Variants in USF3 observed in about 807,000 individuals in gnomAD.
The protein encoded by USF3 is basic helix-loop-helix domain-containing protein USF3.
USF3 carries 29 observed loss-of-function variants against 157.5 expected under a neutral mutation model. The observed-to-expected ratio is 0.18, with a 90% CI of 0.14 to 0.25. USF3 has a LOEUF of 0.25. USF3 is among the 10% of genes least tolerant of loss of function. The pLI is 1.00. For missense variants in USF3, 2,381 were observed against 2,667.6 expected (o/e 0.89, Z 2.37); for synonymous variants, 893 against 941.4 (o/e 0.95, Z 0.94).
intron 1 of USF3, among the ~76,000 whole-genome samples, chr3:113,691,377 CCTGA>C (rs1707679213): frequency 6.6e-6 from 1 of 152,176 alleles, no homozygotes; most frequent in Non-Finnish European, 1.5e-5. Context: ...CCAGCTGTTA[CCTGA>C]CTTTTATTCC....
At position 113,653,152 on chromosome 3, in the gene USF3, A is replaced by C; in HGVS notation, c.*1792T>G. ...AATTTCTATGCATCTCTCCCACCCC[A>C]TCCCATTTTTGGCAGAATATAACAA... On this transcript the variant is annotated 3_prime_UTR_variant, in exon 7 of 7. Transcript: ENST00000316407. 1 of 173,216 alleles carries C rather than the reference A, an allele frequency of 5.8e-6. No homozygotes were observed. The highest frequency in any genetic ancestry group is 1.4e-4 in the East Asian group (1 of 7,024). 10.7% of individuals were successfully genotyped at this position (173,216 alleles called of 1,614,324 possible). A position where few individuals can be genotyped will look rare whatever the true frequency, so the allele number is the denominator to read the frequency against.
chr3:113,657,714 C>T lies in USF3; in HGVS notation c.3968G>A (p.Ser1323Asn). ...QEPLLKPSHE[S>N]RKDSAKRAVQ... ...AGCACGCTTAGCAGAATCCTTACGGCTTTCATGGCTTGGCTTTAAGAGTGG... is the reference window on the plus strand; with the variant it reads ...AGCACGCTTAGCAGAATCCTTACGGTTTTCATGGCTTGGCTTTAAGAGTGG... Residue 1323 changes from serine to asparagine, a missense_variant, in exon 7 of 7, where the codon AGC becomes AAC. Physicochemically the swap from Ser to Asn is conservative, Grantham distance 46. This residue lies in a region of USF3 where 1,435 missense variants were observed against 1,550.9 expected (regional missense o/e 0.93). Transcript: ENST00000316407. 1 of 1,614,152 alleles carries T rather than the reference C, an allele frequency of 6.2e-7. No individual in the cohort carries two copies. The highest frequency in any genetic ancestry group is 8.5e-7 in the Non-Finnish European group (1 of 1,180,032).
At position 113,657,920 on chromosome 3, in the gene USF3, C is replaced by T. The variant is rs764697372; in HGVS notation, c.3762G>A (p.Leu1254=). 1 of 1,614,122 alleles carries T rather than the reference C, an allele frequency of 6.2e-7. No homozygotes were observed. The highest frequency in any genetic ancestry group is 8.5e-7 in the Non-Finnish European group (1 of 1,180,018). ...TTGGGGATAAACCCGCACAGCTGGC[C>T]AGAGGATGGCTGATGCTGCTCTGAT... ...LIHQSSISHP[L]ASCAGLSPTS... The change falls in exon 7 of 7, where the codon CTG becomes CTA. Residue 1254 remains leucine, a synonymous_variant. Coordinates refer to ENST00000316407, the MANE Select transcript of USF3 (RefSeq NM_001009899.4).
chr3:113,673,294 G>C, intron 4 of USF3, 54 bp downstream of exon 4: 7 of 1,180,328 alleles, frequency 5.9e-6, no homozygotes, highest in Non-Finnish European at 7.6e-6. Flanking sequence ...ACTGCAGTAT[G>C]ATTTCATTTT....
Position 113,658,892 on chromosome 3 carries a change from T to C in USF3, c.2790A>G (p.Ala930=). 6.2e-7 allele frequency: 1 copy of C among 1,614,214 alleles called. No homozygotes were observed. Among genetic ancestry groups the C allele is most frequent in the Non-Finnish European group, 8.5e-7 (1 of 1,180,036 alleles). Residue 930 remains alanine (A), a synonymous_variant, in exon 7 of 7, where the codon GCA becomes GCG. Coordinates refer to ENST00000316407, the MANE Select transcript of USF3 (RefSeq NM_001009899.4). The part of the protein sequence containing the change: ...TSQDKPPSSL[A]LSDAAKPCAS... ...CGCAGGGTTTGGCAGCATCTGATAA[T>C]GCTAAACTACTTGGTGGTTTATCCT... is the stretch of plus-strand genomic sequence containing the variant.
chr3:113,681,797 G>A (rs894422295), intron 1 of USF3, among the ~76,000 whole-genome samples: 4 of 150,728 alleles, frequency 2.7e-5, no homozygotes, highest in African/African-American at 9.8e-5. Context: ...TTGGCTCACT[G>A]CAACCTCCAC....
rs1947228786 is a variant in USF3 at position 113,649,758 on chromosome 3, GCT to G, written c.*5184_*5185del. On this transcript the variant is annotated 3_prime_UTR_variant, in exon 7 of 7. Coordinates refer to ENST00000316407, the MANE Select transcript of USF3 (RefSeq NM_001009899.4). The stretch of plus-strand genomic sequence containing the variant: ...AGGCTACAGGTGGAAAGATCTAGAA[GCT>G]CTGTGTCCAACAAGGTCCTCACGCT... The G allele has an allele frequency of 2.9e-6, 2 of 698,752 alleles. No individual in the cohort carries two copies. Among genetic ancestry groups the G allele is most frequent in the South Asian group, 3.0e-5 (2 of 66,726 alleles). 43.3% of individuals were successfully genotyped at this position (698,752 alleles called of 1,614,324 possible).
intron 1 of USF3, among the ~76,000 whole-genome samples, chr3:113,695,956 G>A (rs1707788092): frequency 2.0e-5 from 3 of 152,244 alleles, no homozygotes; most frequent in Non-Finnish European, 2.9e-5. Flanking sequence ...AAATTCAGAG[G>A]GCAAGGAAAG....
intron 1 of USF3, among the ~76,000 whole-genome samples, chr3:113,684,857 ATT>A (rs1057455198): frequency 1.3e-5 from 2 of 152,074 alleles, no homozygotes; most frequent in African/African-American, 4.8e-5. Flanking sequence ...CTGGTGTCTT[ATT>A]TAGTTCATTC....
chr3:113,663,013 C>T (rs754894680), intron 6 of USF3, among the ~76,000 whole-genome samples: 26 of 149,878 alleles, frequency 1.7e-4, no homozygotes, highest in Non-Finnish European at 3.4e-4. Flanking sequence ...GAGACTCAAA[C>T]CTAGGAGGGC....
Position 113,654,358 on chromosome 3 carries a change from A to G in USF3, c.*586T>C, listed in dbSNP as rs1390208653. On this transcript the variant is annotated 3_prime_UTR_variant, in exon 7 of 7. Transcript: ENST00000316407. ...ATTCAGATAATTTATGCATTGTTAT[A>G]ATTTAGAAAGAAGCCTGTATCTAAA... 6.5e-6 allele frequency: 1 copy of G among 152,694 alleles called. No individual in the cohort carries two copies. Among genetic ancestry groups the G allele is most frequent in the African/African-American group, 2.4e-5 (1 of 41,464 alleles). The allele number at this position is 152,694 out of a possible 1,614,324, so 9.5% of individuals were successfully genotyped here.
chr3:113,690,017 C>T (rs1361887945), intron 1 of USF3, among the ~76,000 whole-genome samples: 2 of 152,226 alleles, frequency 1.3e-5, no homozygotes, highest in East Asian at 3.8e-4. Context: ...TACCTTTCAA[C>T]TCTGACTTTG....
chr3:113,678,799 G>A (rs1707341377), intron 1 of USF3, among the ~76,000 whole-genome samples: 3 of 152,048 alleles, frequency 2.0e-5, no homozygotes, highest in Admixed American at 1.3e-4. Flanking sequence ...CCAGGCTGGT[G>A]TGCAGTGGTG....
At chr3:113,679,005 T>C (rs568044006) in intron 1 of USF3, among the ~76,000 whole-genome samples, 1 of 126,142 alleles carries the variant, frequency 7.9e-6, no homozygotes, top group East Asian at 2.3e-4. Flanking sequence ...CTGTCCAGGC[T>C]GGTGTCTCTC....
chr3:113,690,609 G>A (rs1419628002), intron 1 of USF3, among the ~76,000 whole-genome samples: 1 of 152,030 alleles, frequency 6.6e-6, no homozygotes, highest in African/African-American at 2.4e-5. Flanking sequence ...TTATCCCTGT[G>A]CGCCTTATCA....
Position 113,658,840 on chromosome 3 carries a change from G to C in USF3, c.2842C>G (p.Pro948Ala). Residue 948 changes from proline (P) to alanine (A), a missense_variant, in exon 7 of 7, where the codon CCA (proline) becomes GCA (alanine). By Grantham distance (27) the Pro-to-Ala change is conservative (BLOSUM62 -1). Around this residue, in one of 6 missense-constraint regions of USF3, gnomAD observed 1,435 missense variants for 1,550.9 expected, o/e 0.93. Transcript: ENST00000316407. ...GAAACCAAAATGTGAGGATCACTTG[G>C]AGATGGAATCAATACATTGGCTGAA... ...CASANVLIPS[P>A]SDPHILVSQV... The C allele has an allele frequency of 1.9e-6, 3 of 1,614,158 alleles. No homozygotes were observed. The highest frequency in any genetic ancestry group is 1.7e-6 in the Non-Finnish European group (2 of 1,180,020).
rs772845941 is a variant in USF3, at chr3:113,674,867, C to T, written c.12G>A (p.Met4Ile). 1 of 1,613,192 alleles carries T rather than the reference C, an allele frequency of 6.2e-7. No individual in the cohort carries two copies. The highest frequency in any genetic ancestry group is 1.1e-5 in the South Asian group (1 of 91,056). MPEMTENETPTKKQ... is the reference protein window; with the variant it reads MPEITENETPTKKQ... ...TTTTTGTAGGCGTCTCATTCTCTGT[C>T]ATTTCTGGCATGGTTACAGTAATAG... Residue 4 changes from methionine (M) to isoleucine (I), a missense_variant, in exon 3 of 7, where the codon ATG (methionine) becomes ATA (isoleucine). Around this residue, in one of 6 missense-constraint regions of USF3, gnomAD observed 105 missense variants for 158.6 expected, o/e 0.66. Coordinates refer to ENST00000316407, the MANE Select transcript of USF3 (RefSeq NM_001009899.4).
intron 1 of USF3, among the ~76,000 whole-genome samples, chr3:113,685,942 A>C (rs529467493): frequency 7.9e-5 from 12 of 152,194 alleles, no homozygotes; most frequent in African/African-American, 2.9e-4. Flanking sequence ...CTGGAGCTGC[A>C]AGCTGTGATG....
chr3:113,694,110 A>G (rs1707750442), intron 1 of USF3, among the ~76,000 whole-genome samples: 1 of 152,232 alleles, frequency 6.6e-6, no homozygotes, highest in Admixed American at 6.5e-5. Context: ...ACTTAAAGAC[A>G]CACAAGGTGA....
Sources: allele counts gnomAD v4.1 joint callset (sites outside exome capture counted in the v4.1 genomes callset), GRCh38; gene constraint gnomAD v4.1.1; regional missense constraint gnomAD v4.1.1; transcripts MANE v1.5; gene names NCBI Gene and HGNC (gene_info 2026-07-23, HGNC 2026-07-21).